Variants in LIM2 observed in about 807,000 individuals in gnomAD.
LIM2 encodes lens intrinsic membrane protein 2.
LIM2 carries 14 observed loss-of-function variants against 19.0 expected under a neutral mutation model. The ratio of observed to expected loss-of-function variants is 0.74; its 90% CI spans 0.49 to 1.15. The LOEUF is 1.15. Among genes scored for constraint, LIM2 ranks in the 50% most tolerant of loss-of-function variants. The pLI, the probability that LIM2 is intolerant of heterozygous loss-of-function variation, is 0.00. For synonymous variants in LIM2, 78 were observed against 89.6 expected (o/e 0.87, Z 0.73); for missense variants, 230 against 243.5 (o/e 0.94, Z 0.37).
At chr19:51,387,474 T>C (rs764408063) in intron 1 of LIM2, 25 bp from the exon 2 acceptor site, 52 of 1,612,112 alleles carry the variant, frequency 3.2e-5, no homozygotes, top group Non-Finnish European at 4.2e-5. Context: ...AGAGATGGGA[T>C]TGGGAGCTGA....
At chr19:51,384,648 T>C (rs1056754527) in intron 2 of LIM2, among the ~76,000 whole-genome samples, 5 of 152,120 alleles carry the variant, frequency 3.3e-5, no homozygotes, top group Non-Finnish European at 7.4e-5. Context: ...CAGAAGGAAC[T>C]GATTTTGCCC....
At chr19:51,381,106 A>T (rs2547317) in intron 3 of LIM2, among the ~76,000 whole-genome samples, 118,664 of 151,600 alleles carry the variant, frequency 0.78, 47,322 homozygotes, top group African/African-American at 0.94. Flanking sequence ...AGGTCAGGAG[A>T]TCAAGATCAG....
rs774506109 is a variant in LIM2, at chr19:51,382,425, A to C, written c.318T>G (p.Phe106Leu). The C allele has an allele frequency of 1.7e-5, 27 of 1,613,898 alleles. No individual in the cohort carries two copies. Among genetic ancestry groups the C allele is most frequent in the Non-Finnish European group, 1.9e-5 (23 of 1,179,992 alleles). The change falls in exon 3 of 5, where the codon TTT (phenylalanine) becomes TTG (leucine). Residue 106 changes from phenylalanine to leucine, a missense_variant. Physicochemically the swap from Phe to Leu is conservative, Grantham distance 22 (BLOSUM62 0). Coordinates refer to ENST00000596399, the MANE Select transcript of LIM2 (RefSeq NM_001161748.2). Reference protein sequence around the residue: ...SRPFSAGIMFFSSTLFVVLAL... With the variant: ...SRPFSAGIMFLSSTLFVVLAL... ...GAGGGTGGGCTTACTCACTTGAGGAAAAAAACATGATGCCAGCAGAGAAGG... is the reference window on the plus strand; with the variant it reads ...GAGGGTGGGCTTACTCACTTGAGGACAAAAACATGATGCCAGCAGAGAAGG...
At chr19:51,387,694 C>G (rs998104462) in intron 1 of LIM2, among the ~76,000 whole-genome samples, 1 of 152,000 alleles carries the variant, frequency 6.6e-6, no homozygotes, top group African/African-American at 2.4e-5. Context: ...AAGAAAAGGC[C>G]GGGGGCCTGG....
Position 51,387,336 on chromosome 19 carries a change from G to A in LIM2, c.108C>T (p.Ser36=), listed in dbSNP as rs760441995. ...DHWMQYRLSG[S]FAHQGLWRYC... is the part of the protein sequence containing the mutation. ...ACCGCCACAGGCCCTGGTGGGCGAA[G>A]GACCCTGACAGCCGGTACTGCATCC... is the stretch of plus-strand genomic sequence containing the variant. The change falls in exon 2 of 5, where the codon TCC becomes TCT. Residue 36 remains serine (S), a synonymous_variant. Transcript: ENST00000596399. 84 of 1,614,074 alleles carry A rather than the reference G, an allele frequency of 5.2e-5. 1 individual carries two copies. Among genetic ancestry groups the A allele is most frequent in the Non-Finnish European group, 6.9e-5 (82 of 1,180,048 alleles).
rs772338091 is a variant in LIM2 at position 51,382,575 on chromosome 19, AG to A, written c.176-9del. On this transcript the variant is annotated splice_polypyrimidine_tract_variant and intron_variant, in intron 2 of 4. Transcript: ENST00000596399. Reference sequence around the variant, plus strand: ...GGGTGGCATTCCAGTATGCTGTGGGAGCACCCCATGGTCATTCCCACACCTC... The same window carrying A: ...GGGTGGCATTCCAGTATGCTGTGGGACACCCCATGGTCATTCCCACACCTC... The A allele has an allele frequency of 6.2e-7, 1 of 1,612,930 alleles. No homozygotes were observed. The highest frequency in any genetic ancestry group is 1.3e-5 in the African/African-American group (1 of 74,808).
At chr19:51,382,708 T>C in intron 2 of LIM2, 141 bp from the exon 3 acceptor site, 1 of 1,147,784 alleles carries the variant, frequency 8.7e-7, no homozygotes, top group Non-Finnish European at 1.3e-6. Context: ...TGCCCTCTTC[T>C]TCACCTGGCA....
At chr19:51,384,738 T>C (rs111866301) in intron 2 of LIM2, among the ~76,000 whole-genome samples, 4 of 152,250 alleles carry the variant, frequency 2.6e-5, no homozygotes, top group African/African-American at 9.6e-5. Context: ...GGCTTTTTTA[T>C]GGCATCCCTA....
At chr19:51,383,905 A>C (rs1365517302) in intron 2 of LIM2, among the ~76,000 whole-genome samples, 15 of 152,142 alleles carry the variant, frequency 9.9e-5, no homozygotes, top group Admixed American at 9.8e-4. Flanking sequence ...AAAAGTAAAA[A>C]GTCTAGGATC....
chr19:51,380,805 G>T (rs1986877088), intron 3 of LIM2, among the ~76,000 whole-genome samples, 166 bp from the exon 4 acceptor site: 1 of 151,242 alleles, frequency 6.6e-6, no homozygotes. Flanking sequence ...GAAATTAGGG[G>T]TAAAGATGAT....
At chr19:51,382,633 T>C in intron 2 of LIM2, 66 bp from the exon 3 acceptor site, 1 of 1,604,714 alleles carries the variant, frequency 6.2e-7, no homozygotes. Flanking sequence ...CTGCTACCTC[T>C]GAGATGAAAA....
intron 2 of LIM2, among the ~76,000 whole-genome samples, chr19:51,382,841 CT>C (rs1273184298): frequency 6.6e-5 from 10 of 152,030 alleles, no homozygotes; most frequent in Admixed American, 3.9e-4. Flanking sequence ...CTGTCTCCCC[CT>C]CCAGCCTGAT....
Position 51,380,280 on chromosome 19 carries a change from CA to C in LIM2, c.461-19del, listed in dbSNP as rs1330246840. On this transcript the variant is annotated intron_variant, in intron 4 of 4. Transcript: ENST00000596399. ...GAAAATCCCTGCATGAGAAGAAGTT[CA>C]AATTCACCCCCTCAAACCTCCCCCA... 1.2e-6 allele frequency: 2 copies of C among 1,612,468 alleles called. No individual in the cohort carries two copies. Among genetic ancestry groups the C allele is most frequent in the East Asian group, 4.5e-5 (2 of 44,846 alleles).
At chr19:51,381,170 T>A (rs1015836678) in intron 3 of LIM2, among the ~76,000 whole-genome samples, 1 of 151,904 alleles carries the variant, frequency 6.6e-6, no homozygotes, top group African/African-American at 2.4e-5. Flanking sequence ...AAAAAAAAAT[T>A]AGCTGGGTGT....
chr19:51,386,000 G>C (rs1249677548), intron 2 of LIM2, among the ~76,000 whole-genome samples: 2 of 152,178 alleles, frequency 1.3e-5, no homozygotes, highest in African/African-American at 4.8e-5. Context: ...GTTGGGGATG[G>C]AAGTGAGTTT....
At chr19:51,385,855 G>A (rs11669197) in intron 2 of LIM2, among the ~76,000 whole-genome samples, 17,167 of 152,132 alleles carry the variant, frequency 0.11, 1,472 homozygotes, top group African/African-American at 0.24. Flanking sequence ...ATGAGTGGGC[G>A]AAGTCTCCCA....
At chr19:51,386,712 T>TTTATTAA (rs66876043) in intron 2 of LIM2, among the ~76,000 whole-genome samples, 21,001 of 148,898 alleles carry the variant, frequency 0.14, 2,621 homozygotes, top group African/African-American at 0.34. Flanking sequence ...CTGTATATTA[T>TTTATTAA]TGTCTATATG....
intron 2 of LIM2, among the ~76,000 whole-genome samples, chr19:51,386,643 C>T (rs1005970306): frequency 6.1e-5 from 9 of 147,930 alleles, no homozygotes; most frequent in African/African-American, 2.2e-4. Context: ...ATATTATATA[C>T]AATATATTAT....
At chr19:51,380,464 C>G (rs938681882) in intron 4 of LIM2, 41 bp downstream of exon 4, 3 of 1,613,290 alleles carry the variant, frequency 1.9e-6, no homozygotes, top group Non-Finnish European at 8.5e-7. Context: ...GCTGCCCACT[C>G]TGCCCCAGGC....
Sources: allele counts gnomAD v4.1 joint callset (sites outside exome capture counted in the v4.1 genomes callset), GRCh38; gene constraint gnomAD v4.1.1; transcripts MANE v1.5; gene names NCBI Gene and HGNC (gene_info 2026-07-23, HGNC 2026-07-21).